The following WDPCP variants were observed in gnomAD, a reference collection of about 807,000 sequenced individuals.
WDPCP encodes the protein WD repeat-containing and planar cell polarity effector protein fritz homolog.
A neutral mutation model predicts 93.1 loss-of-function variants in WDPCP; 71 were observed. The ratio of observed to expected loss-of-function variants is 0.76; its 90% CI spans 0.63 to 0.93. The LOEUF (loss-of-function observed/expected upper bound fraction) is 0.93, where lower values mean the gene tolerates loss of function less well. WDPCP is among the 40% of genes least tolerant of loss of function. The pLI is 0.00. For missense variants in WDPCP, 844 were observed against 887.4 expected (o/e 0.95, Z 0.62); for synonymous variants, 315 against 315.0 (o/e 1.00, Z 0.00).
At chr2:63,385,934 G>T (rs138936450) in intron 10 of WDPCP, among the ~76,000 whole-genome samples, 1 of 151,990 alleles carries the variant, frequency 6.6e-6, no homozygotes, top group Non-Finnish European at 1.5e-5. Context: ...TTCACTAAAA[G>T]ACAATACAGT....
intron 2 of WDPCP, among the ~76,000 whole-genome samples, chr2:63,799,941 T>C (rs1264958816): frequency 6.6e-6 from 1 of 152,224 alleles, no homozygotes; most frequent in Admixed American, 6.5e-5. Context: ...GGAGAAGCAT[T>C]AAAATGTTCT....
chr2:63,529,864 C>A (rs1445770397), intron 1 of WDPCP, among the ~76,000 whole-genome samples: 1 of 152,092 alleles, frequency 6.6e-6, no homozygotes, highest in Non-Finnish European at 1.5e-5. Context: ...CTAATTATTG[C>A]CTCAATTTCA....
chr2:63,222,943 G>C (rs1365548092), intron 14 of WDPCP, among the ~76,000 whole-genome samples: 1 of 151,870 alleles, frequency 6.6e-6, no homozygotes, highest in South Asian at 2.1e-4. Context: ...TTTAAAAGGG[G>C]GAAAAGGTCT....
intron 12 of WDPCP, among the ~76,000 whole-genome samples, chr2:63,364,415 C>G (rs1690733542): frequency 1.3e-5 from 2 of 152,084 alleles, no homozygotes; most frequent in Non-Finnish European, 1.5e-5. Context: ...AATGCTGAAT[C>G]ATCTGTCTTC....
chr2:63,437,566 AATTAG>A lies in WDPCP; in HGVS notation c.500-17_500-13del, dbSNP rs1697219158. The A allele has an allele frequency of 1.3e-6, 2 of 1,572,678 alleles. No homozygotes were observed. Among genetic ancestry groups the A allele is most frequent in the Non-Finnish European group, 8.6e-7 (1 of 1,156,914 alleles). On this transcript the variant is annotated splice_polypyrimidine_tract_variant and intron_variant, in intron 7 of 17. Transcript: ENST00000272321. ...GTCTGTGAGAAGAGCTAAAAAACAT[AATTAG>A]ATATTACCAAGTTAGAATAAAATAA...
chr2:63,560,832 G>A (rs1558809586), intron 1 of WDPCP, among the ~76,000 whole-genome samples: 1 of 152,156 alleles, frequency 6.6e-6, no homozygotes, highest in Non-Finnish European at 1.5e-5. Flanking sequence ...GGGCCTGTTG[G>A]GAGGTAGGGG....
At position 63,144,162 on chromosome 2, in the gene WDPCP, T is replaced by G. The variant is rs1574715894; in HGVS notation, c.2190+8752A>C. ...TCTTCTTCTTTTTTCTTTGACCTTG[T>G]TGGATTGGGTTAGTTCAAAGACCTT... On this transcript the variant is annotated intron_variant, in intron 17 of 17. Transcript: ENST00000272321. Among the ~76,000 whole-genome samples, 4 of 152,300 alleles carry G rather than the reference T, an allele frequency of 2.6e-5. 1 individual carries two copies. The highest frequency in any genetic ancestry group is 2.6e-4 in the Admixed American group (4 of 15,298).
chr2:63,462,679 A>C (rs1435322176), intron 6 of WDPCP, among the ~76,000 whole-genome samples: 1 of 152,132 alleles, frequency 6.6e-6, no homozygotes, highest in Non-Finnish European at 1.5e-5. Context: ...CCTCTGGCAG[A>C]GGTGAGAGAA....
At chr2:63,758,853 C>A (rs1670008675) in intron 2 of WDPCP, among the ~76,000 whole-genome samples, 1 of 152,104 alleles carries the variant, frequency 6.6e-6, no homozygotes, top group South Asian at 2.1e-4. Context: ...TCTCAGCTCA[C>A]TGCAACCTCA....
intron 17 of WDPCP, among the ~76,000 whole-genome samples, chr2:63,127,391 G>A (rs1443468330): frequency 1.3e-5 from 2 of 151,650 alleles, no homozygotes; most frequent in African/African-American, 4.8e-5. Context: ...CCAAAGTGCT[G>A]GGATTACAAG....
intron 2 of WDPCP, among the ~76,000 whole-genome samples, chr2:63,778,492 C>T (rs1477489943): frequency 3.3e-5 from 5 of 152,028 alleles, no homozygotes; most frequent in African/African-American, 1.2e-4. Context: ...CAGGCGTGAG[C>T]CACTGTGCCC....
chr2:63,140,693 C>T (rs1486241562), intron 17 of WDPCP, among the ~76,000 whole-genome samples: 3 of 151,986 alleles, frequency 2.0e-5, no homozygotes, highest in Admixed American at 6.6e-5. Context: ...ATTCTTTTAT[C>T]AGTTCTAGGA....
intron 3 of WDPCP, among the ~76,000 whole-genome samples, chr2:63,624,976 C>T (rs1375709022): frequency 6.6e-6 from 1 of 152,198 alleles, no homozygotes; most frequent in East Asian, 1.9e-4. Flanking sequence ...AAGGCTGATC[C>T]ACCACTATCA....
At chr2:63,706,133 T>C (rs1461505451) in intron 2 of WDPCP, among the ~76,000 whole-genome samples, 1 of 152,236 alleles carries the variant, frequency 6.6e-6, no homozygotes, top group Non-Finnish European at 1.5e-5. Flanking sequence ...TGCATTTTTT[T>C]GTTTTCCATT....
At chr2:63,750,124 G>T (rs1365681586) in intron 2 of WDPCP, among the ~76,000 whole-genome samples, 1 of 152,064 alleles carries the variant, frequency 6.6e-6, no homozygotes, top group Non-Finnish European at 1.5e-5. Flanking sequence ...TATTATTGAA[G>T]AAAAATAGAC....
intron 9 of WDPCP, among the ~76,000 whole-genome samples, chr2:63,422,789 CAG>C (rs1347254001): frequency 6.6e-6 from 1 of 152,130 alleles, no homozygotes; most frequent in South Asian, 2.1e-4. Flanking sequence ...TTTCAAATAA[CAG>C]AGAAACATAT....
intron 3 of WDPCP, among the ~76,000 whole-genome samples, chr2:63,644,263 G>C (rs552549574): frequency 0.088 from 3,027 of 34,408 alleles, 51 homozygotes; most frequent in Middle Eastern, 0.18. Context: ...TTTTTTTTTT[G>C]AGACAGAGTC....
At chr2:63,168,107 CAA>C (rs957507138) in intron 15 of WDPCP, among the ~76,000 whole-genome samples, 201 of 53,514 alleles carry the variant, frequency 3.8e-3, no homozygotes, top group African/African-American at 0.016. Flanking sequence ...GAGACCCTGC[CAA>C]AAAAAAAAAA....
In WDPCP at chr2:63,429,976, TACACACACACAC is replaced by T. The variant is rs199517613; in HGVS notation, c.825+3757_825+3768del. 3.2e-3 allele frequency among the ~76,000 whole-genome samples: 443 copies of T among 137,448 alleles called. 1 individual carries two copies. Among genetic ancestry groups the T allele is most frequent in the East Asian group, 8.2e-3 (39 of 4,732 alleles). The allele number at this position is 137,448 out of a possible 152,430, so 90.2% of individuals were successfully genotyped here. A position where few individuals can be genotyped will look rare whatever the true frequency, so the allele number is the denominator to read the frequency against. ...GGTGGACTGGATAAAGAAAATGTTA[TACACACACACAC>T]ACACACACACACACACACACACACA... On this transcript the variant is annotated intron_variant, in intron 9 of 17. Coordinates refer to ENST00000272321, the MANE Select transcript of WDPCP (RefSeq NM_015910.7).
Sources: allele counts gnomAD v4.1 joint callset (sites outside exome capture counted in the v4.1 genomes callset), GRCh38; gene constraint gnomAD v4.1.1; transcripts MANE v1.5; gene names NCBI Gene and HGNC (gene_info 2026-07-23, HGNC 2026-07-21).